The following DENND2D variants were observed in gnomAD, a reference collection of about 807,000 sequenced individuals.
DENND2D encodes DENN domain-containing protein 2D.
Under a neutral mutation model 59.8 loss-of-function variants are expected in DENND2D, and 37 were observed. The ratio of observed to expected loss-of-function variants is 0.62; its 90% confidence interval spans 0.48 to 0.81. DENND2D has a LOEUF of 0.81. DENND2D is among the 40% of genes least tolerant of loss of function. The pLI, the probability that DENND2D is intolerant of heterozygous loss-of-function variation, is 0.00. For missense variants in DENND2D, 525 were observed against 579.7 expected, an observed-to-expected ratio of 0.91 and a Z score of 0.97; for synonymous variants, 219 against 211.3, an observed-to-expected ratio of 1.04 and a Z score of -0.31.
chr1:111,194,856 C>T, intron 6 of DENND2D, 130 bp from the exon 7 acceptor site: 2 of 1,015,672 alleles, frequency 2.0e-6, no homozygotes, highest in Non-Finnish European at 2.9e-6. Context: ...CTCTCTGTCC[C>T]CCTGCTAATT....
In DENND2D at chr1:111,187,604, C is replaced by G. The variant is rs1399201987; in HGVS notation, c.*1G>C. On this transcript the variant is annotated 3_prime_UTR_variant, in exon 12 of 12. Transcript: ENST00000357640. ...CTAGTCATTCTTATTCACCACAGCT[C>G]TTATTTCACAGTTTTTTCCCTTGGT... The G allele has an allele frequency of 6.2e-7, 1 of 1,612,506 alleles. No individual in the cohort carries two copies. Among genetic ancestry groups the G allele is most frequent in the Admixed American group, 1.7e-5 (1 of 60,008 alleles).
chr1:111,192,153 C>A lies in DENND2D; in HGVS notation c.959G>T (p.Ser320Ile). ...QMRFQQEVMD[S>I]PMEEVLLVNL... is the part of the protein sequence containing the mutation. ...GCCACATCATACCTCTTCCATAGGGCTGTCCATGACCTCCTGCTGGAAGCG... is the reference window on the plus strand; with the variant it reads ...GCCACATCATACCTCTTCCATAGGGATGTCCATGACCTCCTGCTGGAAGCG... The change falls in exon 8 of 12, where the codon AGC becomes ATC. Residue 320 changes from serine to isoleucine, a missense_variant. Coordinates refer to ENST00000357640, the MANE Select transcript of DENND2D (RefSeq NM_024901.5). The A allele has an allele frequency of 6.2e-7, 1 of 1,606,550 alleles. No individual in the cohort carries two copies. Among genetic ancestry groups the A allele is most frequent in the Non-Finnish European group, 8.5e-7 (1 of 1,175,672 alleles).
chr1:111,188,849 G>A, intron 9 of DENND2D, 63 bp from the exon 10 acceptor site: 2 of 1,448,016 alleles, frequency 1.4e-6, no homozygotes, highest in Non-Finnish European at 1.9e-6. Context: ...GTGGTTGGCA[G>A]AAAAGCATAA....
chr1:111,188,921 A>T, intron 9 of DENND2D, 135 bp from the exon 10 acceptor site: 2 of 789,384 alleles, frequency 2.5e-6, no homozygotes, highest in Non-Finnish European at 4.3e-6. Context: ...CAGAAACAAC[A>T]GAAGCTGTTT....
upstream of DENND2D, among the ~76,000 whole-genome samples, chr1:111,203,819 G>C (rs938922688): frequency 6.6e-6 from 1 of 152,194 alleles, no homozygotes; most frequent in Non-Finnish European, 1.5e-5. Context: ...GTTTGTGGCC[G>C]GTGGCTATCT....
intron 8 of DENND2D, among the ~76,000 whole-genome samples, chr1:111,189,840 T>C (rs1416030231): frequency 6.6e-6 from 1 of 152,140 alleles, no homozygotes; most frequent in Non-Finnish European, 1.5e-5. Flanking sequence ...ATTTTTTTCA[T>C]GCTTGCAACA....
chr1:111,189,282 G>T (rs1487614668), intron 8 of DENND2D, 29 bp from the exon 9 acceptor site: 3 of 1,613,650 alleles, frequency 1.9e-6, no homozygotes, highest in Non-Finnish European at 1.7e-6. Context: ...GGCTTTCTCT[G>T]GTCCTCTTTC....
Position 111,188,401 on chromosome 1 carries a change from G to A in DENND2D, c.1100-31C>T, listed in dbSNP as rs766864983. The A allele has an allele frequency of 7.5e-6, 12 of 1,603,284 alleles. No individual in the cohort carries two copies. In the East Asian group the frequency reaches 2.7e-4, roughly 36 times the overall value. On this transcript the variant is annotated intron_variant, in intron 10 of 11. Coordinates refer to ENST00000357640, the MANE Select transcript of DENND2D (RefSeq NM_024901.5). ...GGAGATATAAAGGCCATCTCAGAGG[G>A]TAGCAGAAGGATGAAATTACCCAAA...
rs1163888477 is a variant in DENND2D, at chr1:111,186,734, A to AG, written c.*870dup. Among the ~76,000 whole-genome samples the AG allele has an allele frequency of 1.3e-5, 2 of 152,210 alleles. No individual in the cohort carries two copies. Among genetic ancestry groups the AG allele is most frequent in the Non-Finnish European group, 2.9e-5 (2 of 68,034 alleles). On this transcript the variant is annotated 3_prime_UTR_variant, in exon 12 of 12. Transcript: ENST00000357640. Reference sequence around the variant, plus strand: ...AATTGGACTGTGCTGCTCAAAATAAAGATCAGTTGGAGGTAGGATGTCCAA... The same window carrying AG: ...AATTGGACTGTGCTGCTCAAAATAAAGGATCAGTTGGAGGTAGGATGTCCAA...
At chr1:111,195,860 C>A (rs1658178235) in intron 6 of DENND2D, 56 bp downstream of exon 6, 2 of 1,610,062 alleles carry the variant, frequency 1.2e-6, no homozygotes, top group East Asian at 4.5e-5. Context: ...GTGAGAGGTG[C>A]CACAGATGCC....
chr1:111,188,790 G>A lies in DENND2D; in HGVS notation c.1015-4C>T, dbSNP rs1432511144. On this transcript the variant is annotated splice_region_variant and splice_polypyrimidine_tract_variant and intron_variant, in intron 9 of 11. Coordinates refer to ENST00000357640, the MANE Select transcript of DENND2D (RefSeq NM_024901.5). ...GGATGTCTTTTTCATCACCAACCTA[G>A]AAGAGGACAGAGCTCCGAGGTCAAG... The A allele has an allele frequency of 2.5e-6, 4 of 1,613,590 alleles. No homozygotes were observed. Among genetic ancestry groups the A allele is most frequent in the Non-Finnish European group, 3.4e-6 (4 of 1,179,708 alleles).
Position 111,194,733 on chromosome 1 carries a change from G to A in DENND2D, c.646-7C>T. On this transcript the variant is annotated splice_region_variant and splice_polypyrimidine_tract_variant and intron_variant, in intron 6 of 11. Transcript: ENST00000357640. ...GCCGTGTCAGTGAAATGAACTGTGG[G>A]GAAACCAGAGAGAGAGAAGGTGTCA... The A allele has an allele frequency of 6.2e-7, 1 of 1,613,444 alleles. No individual in the cohort carries two copies. Among genetic ancestry groups the A allele is most frequent in the Non-Finnish European group, 8.5e-7 (1 of 1,179,696 alleles).
At chr1:111,200,778 C>T, upstream of DENND2D, 2 of 1,150,214 alleles carry the variant, frequency 1.7e-6, no homozygotes, top group East Asian at 1.1e-4. Flanking sequence ...ACACCTCTGG[C>T]TGAAAGTAGC....
In DENND2D at chr1:111,186,566, A is replaced by G. The variant is rs112485109; in HGVS notation, c.*1039T>C. The stretch of plus-strand genomic sequence containing the variant: ...AAGATTCTTCTAAAAAAGCTTCCCA[A>G]TGCTTGAGTAGAAAGTATCAGTAGA... On this transcript the variant is annotated 3_prime_UTR_variant, in exon 12 of 12. Transcript: ENST00000357640. 7.3e-3 allele frequency among the ~76,000 whole-genome samples: 1,106 copies of G among 152,330 alleles called. 14 individuals carry two copies. The highest frequency in any genetic ancestry group is 0.021 in the African/African-American group (881 of 41,582).
intron 4 of DENND2D, 77 bp from the exon 5 acceptor site, chr1:111,197,330 A>G: frequency 6.4e-7 from 1 of 1,553,130 alleles, no homozygotes. Context: ...GAAGGAGCAC[A>G]AGGCTGAGGG....
intron 4 of DENND2D, 60 bp downstream of exon 4, chr1:111,197,860 G>C (rs1442345456): frequency 6.2e-7 from 1 of 1,610,106 alleles, no homozygotes; most frequent in East Asian, 2.2e-5. Context: ...GCTTGAGCAA[G>C]CCCAGCCGTG....
chr1:111,198,081 A>AG, intron 3 of DENND2D, 92 bp from the exon 4 acceptor site: 1 of 1,252,782 alleles, frequency 8.0e-7, no homozygotes, highest in East Asian at 2.5e-5. Flanking sequence ...AGGAGGGCAA[A>AG]GGGGAGTTGC....
intron 7 of DENND2D, 98 bp from the exon 8 acceptor site, chr1:111,192,415 GC>G: frequency 1.6e-6 from 2 of 1,280,236 alleles, no homozygotes; most frequent in Non-Finnish European, 2.0e-6. Flanking sequence ...GAGCAGTGCT[GC>G]CCATGCCCAT....
chr1:111,203,737 G>A (rs774586287), upstream of DENND2D, among the ~76,000 whole-genome samples: 2 of 152,196 alleles, frequency 1.3e-5, no homozygotes, highest in Admixed American at 6.5e-5. Flanking sequence ...CCGCCGCTCC[G>A]CTGGAGGCCA....
Sources: allele counts gnomAD v4.1 joint callset (sites outside exome capture counted in the v4.1 genomes callset), GRCh38; gene constraint gnomAD v4.1.1; transcripts MANE v1.5; gene names NCBI Gene and HGNC (gene_info 2026-07-23, HGNC 2026-07-21).